Variants in ZNF185 observed in about 807,000 individuals in gnomAD.
ZNF185 encodes the protein zinc finger protein 185 with LIM domain, also known as zinc finger protein 185.
Under a neutral mutation model 58.6 loss-of-function variants are expected in ZNF185, and 56 were observed. The observed-to-expected ratio is 0.95, with a 90% CI of 0.77 to 1.19. The LOEUF is 1.19. ZNF185 is among the 50% of genes most tolerant of loss of function. The pLI is 0.00. For missense variants in ZNF185, 627 were observed against 573.5 expected, an observed-to-expected ratio of 1.09 and a Z score of -0.95; for synonymous variants, 230 against 215.9, an observed-to-expected ratio of 1.07 and a Z score of -0.57.
At chrX:152,952,920 G>A (rs1166505693) in intron 16 of ZNF185, among the ~76,000 whole-genome samples, 2 of 108,574 alleles carry the variant, frequency 1.8e-5, no homozygotes, top group African/African-American at 6.7e-5. Flanking sequence ...GGAGGAGGAG[G>A]AGGATGAGGA....
chrX:152,917,981 C>T, intron 5 of ZNF185, 84 bp from the exon 7 acceptor site: 1 of 1,155,752 alleles, frequency 8.7e-7, no homozygotes. Flanking sequence ...TGGTCCACCT[C>T]TCATGTGTCC....
chrX:152,933,354 G>A (rs2045920615), intron 14 of ZNF185, among the ~76,000 whole-genome samples: 1 of 112,361 alleles, frequency 8.9e-6, no homozygotes, highest in Non-Finnish European at 1.9e-5. Flanking sequence ...CTTACTTCTT[G>A]GTTAAGCTCT....
At position 152,936,354 on chromosome X, in the gene ZNF185, G is replaced by A; in HGVS notation, c.1122-1720G>A. 11 of 992,204 alleles carry A rather than the reference G, an allele frequency of 1.1e-5. No homozygotes were observed. The East Asian group carries it at 1.7e-4, about 15-fold the overall frequency. 81.8% of individuals were successfully genotyped at this position (992,204 alleles called of 1,213,427 possible). A position where few individuals can be genotyped will look rare whatever the true frequency, so the allele number is the denominator to read the frequency against. ...TGTGGGGGGCAGGATCCACTTTCTC[G>A]GGAGAGGGTAGACATACAGACACAA... On this transcript the variant is annotated intron_variant, in intron 14 of 22. Coordinates refer to ENST00000449285, the Ensembl canonical transcript of ZNF185.
At chrX:152,903,411 A>G in the ZNF185 span, among the ~76,000 whole-genome samples, 62 of 106,878 alleles carry the variant, frequency 5.8e-4, no homozygotes, top group African/African-American at 1.8e-3. Context: ...AAAAAAAAAA[A>G]AAAAGAAAAG....
chrX:152,970,640 A>G (rs558958211), intron 22 of ZNF185, 99 bp downstream of exon 24: 413 of 726,897 alleles, frequency 5.7e-4, no homozygotes, highest in Middle Eastern at 4.3e-3. Context: ...AGACACAGCT[A>G]TCTTTCTTGG....
intron 11 of ZNF185, among the ~76,000 whole-genome samples, chrX:152,924,259 C>A (rs1556871255): frequency 2.7e-5 from 3 of 111,073 alleles, no homozygotes; most frequent in Non-Finnish European, 3.8e-5. Context: ...GGGCTACAGT[C>A]ACAGGCCACC....
intron 2 of ZNF185, 70 bp downstream of exon 3, chrX:152,914,903 CTGGGGA>C (rs1938085110): frequency 8.9e-7 from 1 of 1,120,328 alleles, no homozygotes; most frequent in Non-Finnish European, 1.2e-6. Context: ...CCGACCATAC[CTGGGGA>C]TGCGAAGGGG....
upstream of ZNF185, chrX:152,914,411 T>C: frequency 1.1e-6 from 1 of 936,410 alleles, no homozygotes; most frequent in Non-Finnish European, 1.5e-6. Flanking sequence ...TACAAATGCA[T>C]GAAGTGACAG....
At chrX:152,938,847 A>T (rs1556885498) in intron 15 of ZNF185, among the ~76,000 whole-genome samples, 4 of 105,217 alleles carry the variant, frequency 3.8e-5, no homozygotes, top group African/African-American at 1.5e-4. Context: ...AGATAGAGTG[A>T]TGGCAGTGAG....
chrX:152,907,816 GCCAACCATTCCTTTGGTGGC>G, the ZNF185 span, among the ~76,000 whole-genome samples: 2 of 113,053 alleles, frequency 1.8e-5, no homozygotes, highest in South Asian at 3.6e-4. Context: ...TGTCAGAAAA[GCCAACCATTCCTTTGGTGGC>G]CCAGGCCAGG....
chrX:152,949,800 T>C (rs1318463192), intron 16 of ZNF185, among the ~76,000 whole-genome samples: 1 of 111,919 alleles, frequency 8.9e-6, no homozygotes, highest in African/African-American at 3.3e-5. Flanking sequence ...TTGTCATTAT[T>C]TTTAAATGTC....
rs782581010 is a variant in ZNF185, at chrX:152,943,061, A to G, written c.1212-2206A>G. Among the ~76,000 whole-genome samples, 15 of 111,523 alleles carry G rather than the reference A, an allele frequency of 1.3e-4. No individual in the cohort carries two copies. The East Asian group carries it at 3.4e-3, about 25-fold the overall frequency. On this transcript the variant is annotated intron_variant, in intron 15 of 22. Transcript: ENST00000449285. ...TTCTGTCGCCCCAGACTGGAGTGCAATGGGGTGATCTCGGCTTACTGCAAC... is the reference window on the plus strand; with the variant it reads ...TTCTGTCGCCCCAGACTGGAGTGCAGTGGGGTGATCTCGGCTTACTGCAAC...
intron 20 of ZNF185, among the ~76,000 whole-genome samples, chrX:152,968,380 C>T (rs1259263635): frequency 4.4e-5 from 5 of 112,848 alleles, no homozygotes; most frequent in African/African-American, 1.6e-4. Context: ...TCAGTCATTA[C>T]TGATCCATTG....
At chrX:152,936,983 G>T (rs2046373823) in intron 14 of ZNF185, among the ~76,000 whole-genome samples, 2 of 111,903 alleles carry the variant, frequency 1.8e-5, no homozygotes, top group Non-Finnish European at 3.8e-5. Context: ...GGTACAATGG[G>T]AAGAAGCTGT....
At position 152,945,249 on chromosome X, in the gene ZNF185, G is replaced by T. The variant is rs782201612; in HGVS notation, c.1212-18G>T. On this transcript the variant is annotated intron_variant, in intron 15 of 22. Coordinates refer to ENST00000449285, the Ensembl canonical transcript of ZNF185. ...GTTTCAGAGCACTTTTTTCATAAGG[G>T]TGCTTATTCTTCTTCAGGGCCTTGG... is the stretch of plus-strand genomic sequence containing the variant. 5.9e-6 allele frequency: 7 copies of T among 1,195,297 alleles called. No individual in the cohort carries two copies. In the South Asian group the frequency reaches 7.3e-5, roughly 12 times the overall value.
At chrX:152,951,330 T>G (rs1301523229) in intron 16 of ZNF185, among the ~76,000 whole-genome samples, 1 of 111,832 alleles carries the variant, frequency 8.9e-6, no homozygotes, top group African/African-American at 3.2e-5. Context: ...ATATTAGTTC[T>G]TTTTTGAAAA....
At chrX:152,937,385 C>T (rs149037515) in intron 14 of ZNF185, among the ~76,000 whole-genome samples, 1,467 of 111,866 alleles carry the variant, frequency 0.013, 17 homozygotes, top group Non-Finnish European at 0.019. Flanking sequence ...CGCACAGCTG[C>T]GTGGCCAGCT....
chrX:152,943,541 C>T (rs58356011), intron 15 of ZNF185, among the ~76,000 whole-genome samples: 2 of 112,465 alleles, frequency 1.8e-5, no homozygotes, highest in African/African-American at 6.5e-5. Context: ...GAAGTAATTC[C>T]CCTGGATGTT....
chrX:152,928,533 T>G, intron 11 of ZNF185, 42 bp from the exon 13 acceptor site: 1 of 1,199,625 alleles, frequency 8.3e-7, no homozygotes, highest in Non-Finnish European at 1.1e-6. Context: ...GGGGGAGACT[T>G]TTCTCACCTG....
Sources: allele counts gnomAD v4.1 joint callset (sites outside exome capture counted in the v4.1 genomes callset), GRCh38; gene constraint gnomAD v4.1.1; transcripts MANE v1.5; gene names NCBI Gene and HGNC (gene_info 2026-07-23, HGNC 2026-07-21).